C12orf75: variants seen among roughly 807,000 people sequenced by gnomAD.
C12orf75 encodes the protein chromosome 12 open reading frame 75, also known as overexpressed in colon carcinoma 1 protein.
C12orf75 carries 4 observed loss-of-function variants against 11.4 expected under a neutral mutation model. The ratio of observed to expected loss-of-function variants is 0.35; its 90% confidence interval spans 0.17 to 0.80. The LOEUF (loss-of-function observed/expected upper bound fraction) is 0.80. Among genes scored for constraint, C12orf75 ranks in the 30% least tolerant of loss-of-function variants. The pLI is 0.52. For synonymous variants in C12orf75, 30 were observed against 30.0 expected (o/e 1.00, Z 0.00); for missense variants, 89 against 80.4 (o/e 1.11, Z -0.41).
At chr12:105,367,646 TTGAG>T (rs1379050108) in intron 5 of C12orf75, 137 bp downstream of exon 5, 12 of 308,924 alleles carry the variant, frequency 3.9e-5, no homozygotes, top group African/African-American at 2.4e-4. Flanking sequence ...TCCTATGGAA[TTGAG>T]TGTGTTTTAT....
chr12:105,340,380 G>A (rs1410134099), intron 1 of C12orf75, among the ~76,000 whole-genome samples: 2 of 147,668 alleles, frequency 1.4e-5, no homozygotes, highest in Non-Finnish European at 3.0e-5. Context: ...AGCCGAGATC[G>A]TGCCACTGCA....
At chr12:105,355,535 A>G (rs550584064) in intron 2 of C12orf75, among the ~76,000 whole-genome samples, 5 of 152,168 alleles carry the variant, frequency 3.3e-5, no homozygotes, top group Non-Finnish European at 7.3e-5. Context: ...GTCAGGGTCA[A>G]AATCTTTGGT....
At chr12:105,362,822 G>A (rs1362603987) in intron 2 of C12orf75, among the ~76,000 whole-genome samples, 1 of 152,118 alleles carries the variant, frequency 6.6e-6, no homozygotes, top group Non-Finnish European at 1.5e-5. Flanking sequence ...TCGTAAGTTC[G>A]GTCATGCTAC....
intron 5 of C12orf75, among the ~76,000 whole-genome samples, chr12:105,369,301 T>C (rs1267214792): frequency 6.6e-6 from 1 of 152,226 alleles, no homozygotes; most frequent in Non-Finnish European, 1.5e-5. Context: ...CATATAATTT[T>C]AGGCAGCTAG....
intron 5 of C12orf75, among the ~76,000 whole-genome samples, chr12:105,369,263 A>G (rs10861410): frequency 0.18 from 27,384 of 150,810 alleles, 2,683 homozygotes; most frequent in Non-Finnish European, 0.22. Flanking sequence ...TGCCACTAAC[A>G]CTTTAGCATA....
At chr12:105,341,987 C>T (rs1331402729) in intron 1 of C12orf75, among the ~76,000 whole-genome samples, 3 of 152,244 alleles carry the variant, frequency 2.0e-5, no homozygotes, top group Non-Finnish European at 4.4e-5. Context: ...TCCACCATGA[C>T]TGTGAGGCCT....
intron 1 of C12orf75, among the ~76,000 whole-genome samples, chr12:105,339,856 G>A (rs1158502840): frequency 1.3e-5 from 2 of 151,864 alleles, no homozygotes; most frequent in South Asian, 2.1e-4. Flanking sequence ...TCCTGACCTC[G>A]TGATCCACCC....
intron 2 of C12orf75, among the ~76,000 whole-genome samples, chr12:105,365,117 A>G (rs1175104784): frequency 3.9e-5 from 6 of 152,090 alleles, no homozygotes; most frequent in Admixed American, 2.6e-4. Flanking sequence ...TATTACAGGC[A>G]TGAGCCACCA....
At chr12:105,368,602 C>T (rs374358155) in intron 5 of C12orf75, among the ~76,000 whole-genome samples, 1 of 152,088 alleles carries the variant, frequency 6.6e-6, no homozygotes, top group African/African-American at 2.4e-5. Context: ...CGTTGGCAGA[C>T]CAAAAGCAAG....
At chr12:105,363,448 C>T (rs1295604216) in intron 2 of C12orf75, among the ~76,000 whole-genome samples, 2 of 152,102 alleles carry the variant, frequency 1.3e-5, no homozygotes, top group Non-Finnish European at 1.5e-5. Context: ...GGATATCTGG[C>T]CGGGCGGGGT....
intron 5 of C12orf75, among the ~76,000 whole-genome samples, chr12:105,368,198 A>T (rs1378329401): frequency 6.6e-6 from 1 of 152,232 alleles, no homozygotes; most frequent in Non-Finnish European, 1.5e-5. Flanking sequence ...AAAGACATGG[A>T]GCAGCATTTC....
intron 1 of C12orf75, among the ~76,000 whole-genome samples, chr12:105,339,453 G>C (rs1036803904): frequency 4.1e-5 from 6 of 145,784 alleles, no homozygotes; most frequent in African/African-American, 1.5e-4. Context: ...GTGTGTGTGT[G>C]TGAATTATCA....
chr12:105,338,787 T>TA (rs1892528858), intron 1 of C12orf75, among the ~76,000 whole-genome samples: 1 of 152,114 alleles, frequency 6.6e-6, no homozygotes, highest in Non-Finnish European at 1.5e-5. Flanking sequence ...TGGAAACTAA[T>TA]ACAGTTAGAG....
chr12:105,365,462 A>G (rs1871445760), intron 2 of C12orf75, among the ~76,000 whole-genome samples: 1 of 152,216 alleles, frequency 6.6e-6, no homozygotes, highest in Non-Finnish European at 1.5e-5. Flanking sequence ...TGTCTGTCAC[A>G]CAGGGAGTGG....
At chr12:105,347,523 G>A (rs1329160062) in intron 1 of C12orf75, among the ~76,000 whole-genome samples, 1 of 152,216 alleles carries the variant, frequency 6.6e-6, no homozygotes, top group African/African-American at 2.4e-5. Context: ...AGGGCAGGAA[G>A]CATCCAGCAT....
At chr12:105,352,606 C>T (rs957036345) in intron 2 of C12orf75, among the ~76,000 whole-genome samples, 16 of 151,768 alleles carry the variant, frequency 1.1e-4, no homozygotes, top group Admixed American at 3.9e-4. Flanking sequence ...GTTTGTTTTT[C>T]CTTTTGTCTT....
At chr12:105,359,419 C>T (rs1430778963) in intron 2 of C12orf75, among the ~76,000 whole-genome samples, 3 of 152,010 alleles carry the variant, frequency 2.0e-5, no homozygotes, top group Non-Finnish European at 4.4e-5. Flanking sequence ...GGCTTGTGGG[C>T]GTCTGGGCAT....
At chr12:105,364,057 GA>G (rs1475801612) in intron 2 of C12orf75, among the ~76,000 whole-genome samples, 1 of 152,196 alleles carries the variant, frequency 6.6e-6, no homozygotes, top group Non-Finnish European at 1.5e-5. Context: ...TATGTAAATG[GA>G]TGTGAAAAGA....
intron 1 of C12orf75, among the ~76,000 whole-genome samples, chr12:105,347,885 G>A (rs1892658268): frequency 2.0e-5 from 3 of 152,304 alleles, no homozygotes; most frequent in African/African-American, 7.2e-5. Flanking sequence ...TTGCATTAGC[G>A]CACAGTTTGA....
Sources: gnomAD v4.1 joint callset for allele counts (sites outside exome capture counted in the v4.1 genomes callset) on GRCh38, gnomAD v4.1.1 for gene constraint, MANE v1.5 for transcripts, NCBI Gene and HGNC (gene_info 2026-07-23, HGNC 2026-07-21) for gene names.